TTC39B: variants seen among roughly 807,000 people sequenced by gnomAD.
TTC39B encodes tetratricopeptide repeat protein 39B.
TTC39B carries 92 observed loss-of-function variants against 96.6 expected under a neutral mutation model. The ratio of observed to expected loss-of-function variants is 0.95; its 90% CI spans 0.80 to 1.13. TTC39B has a LOEUF of 1.13. TTC39B is among the 50% of genes most tolerant of loss of function. The pLI, the probability that TTC39B is intolerant of heterozygous loss-of-function variation, is 0.00. For synonymous variants in TTC39B, 367 were observed against 299.4 expected, an observed-to-expected ratio of 1.23 and a Z score of -2.33; for missense variants, 955 against 809.3, an observed-to-expected ratio of 1.18 and a Z score of -2.18.
chr9:15,192,517 T>C, intron 9 of TTC39B, 73 bp downstream of exon 9: 5 of 1,160,960 alleles, frequency 4.3e-6, no homozygotes. Context: ...GAGGTTCAAA[T>C]GCAGTGGAGA....
At position 15,234,603 on chromosome 9, in the gene TTC39B, G is replaced by C. The variant is rs1450352706; in HGVS notation, c.276-8591C>G. ...GGAATAGAAAGAGGGGAAAGGTGGG[G>C]AAAAGATTGAGAAATCGGATGGTTG... is the stretch of plus-strand genomic sequence containing the variant. On this transcript the variant is annotated intron_variant, in intron 2 of 19. Transcript: ENST00000512701. Among the ~76,000 whole-genome samples the C allele has an allele frequency of 7.2e-5, 11 of 152,252 alleles. No individual in the cohort carries two copies. In the South Asian group the frequency reaches 1.9e-3, roughly 26 times the overall value.
chr9:15,197,583 T>C (rs987625693), intron 8 of TTC39B, among the ~76,000 whole-genome samples: 3 of 151,036 alleles, frequency 2.0e-5, no homozygotes, highest in African/African-American at 7.3e-5. Context: ...CAGTGGAAAA[T>C]GAAGGGAAAA....
At chr9:15,265,275 G>C (rs770814180) in intron 2 of TTC39B, among the ~76,000 whole-genome samples, 2 of 152,214 alleles carry the variant, frequency 1.3e-5, no homozygotes, top group African/African-American at 4.8e-5. Context: ...ACTGAAGCCA[G>C]TGGGAGCTCA....
At chr9:15,199,546 T>C (rs1819391562) in intron 8 of TTC39B, among the ~76,000 whole-genome samples, 2 of 151,248 alleles carry the variant, frequency 1.3e-5, no homozygotes, top group Admixed American at 6.6e-5. Flanking sequence ...CCATCCTGAC[T>C]AACACAGTGA....
chr9:15,243,489 C>T (rs73421654), intron 2 of TTC39B, among the ~76,000 whole-genome samples: 226 of 152,254 alleles, frequency 1.5e-3, no homozygotes, highest in African/African-American at 5.2e-3. Context: ...CACTGGTCAT[C>T]GCCCCTGCAA....
intron 16 of TTC39B, chr9:15,183,359 G>A (rs1047781767): frequency 4.2e-5 from 18 of 432,786 alleles, no homozygotes; most frequent in Non-Finnish European, 6.9e-5. Flanking sequence ...AATTGATGAT[G>A]ATCTTTTAAA....
intron 1 of TTC39B, among the ~76,000 whole-genome samples, chr9:15,270,334 C>T (rs762434299): frequency 3.9e-5 from 6 of 152,052 alleles, no homozygotes; most frequent in Non-Finnish European, 7.4e-5. Flanking sequence ...AAAACGTATT[C>T]TCCAGGAACC....
In TTC39B at chr9:15,306,616, C is replaced by G. The variant is rs1221067147; in HGVS notation, c.240+468G>C. Reference sequence around the variant, plus strand: ...GCCCCCTCTTTTCATCAATCGTAAGCCTTTCGGTTCTGCCACCAGGAAACT... The same window carrying G: ...GCCCCCTCTTTTCATCAATCGTAAGGCTTTCGGTTCTGCCACCAGGAAACT... On this transcript the variant is annotated intron_variant, in intron 1 of 19. Coordinates refer to ENST00000512701, the Ensembl canonical transcript of TTC39B. This position sits in a 1 kb window ranked among gnomAD's most constrained non-coding sequence, Gnocchi z 5.1. 2.0e-5 allele frequency among the ~76,000 whole-genome samples: 3 copies of G among 152,212 alleles called. No individual in the cohort carries two copies. In the East Asian group the frequency reaches 5.8e-4, roughly 29 times the overall value.
intron 4 of TTC39B, among the ~76,000 whole-genome samples, chr9:15,212,559 G>A (rs1820267674): frequency 6.6e-6 from 1 of 152,170 alleles, no homozygotes; most frequent in African/African-American, 2.4e-5. Context: ...CCGAGTAGCT[G>A]GGATTACAGG....
At chr9:15,289,163 A>T (rs1365943418) in intron 1 of TTC39B, among the ~76,000 whole-genome samples, 1 of 152,238 alleles carries the variant, frequency 6.6e-6, no homozygotes, top group Non-Finnish European at 1.5e-5. Context: ...GGCTTCAGCC[A>T]GTCCTCCAAA....
chr9:15,211,213 C>A lies in TTC39B; in HGVS notation c.614+53G>T, dbSNP rs371821591. The stretch of plus-strand genomic sequence containing the variant: ...CAGGCAAATGACATTATTTTTGTCA[C>A]ACAGGCATAAAAGTTTGCAGTCACA... On this transcript the variant is annotated intron_variant, in intron 5 of 19. Coordinates refer to ENST00000512701, the Ensembl canonical transcript of TTC39B. 4.3e-6 allele frequency: 6 copies of A among 1,387,004 alleles called. No individual in the cohort carries two copies. In the East Asian group the frequency reaches 1.7e-4, roughly 38 times the overall value. The allele number at this position is 1,387,004 out of a possible 1,614,324, so 85.9% of individuals were successfully genotyped here.
chr9:15,202,032 C>T (rs1285175256), intron 7 of TTC39B, among the ~76,000 whole-genome samples: 1 of 152,096 alleles, frequency 6.6e-6, no homozygotes, highest in Admixed American at 6.5e-5. Flanking sequence ...AGCACTTCTT[C>T]TAGAACAATG....
At chr9:15,221,150 C>A (rs1820821769) in intron 3 of TTC39B, among the ~76,000 whole-genome samples, 1 of 152,130 alleles carries the variant, frequency 6.6e-6, no homozygotes, top group Non-Finnish European at 1.5e-5. Flanking sequence ...CCCCGTTTCA[C>A]AACACACATT....
chr9:15,259,358 T>C (rs1822866290), intron 2 of TTC39B, among the ~76,000 whole-genome samples: 1 of 152,218 alleles, frequency 6.6e-6, no homozygotes, highest in African/African-American at 2.4e-5. Context: ...ACCATTTATA[T>C]GTATTCAGAC....
chr9:15,226,870 T>C (rs2131407889), intron 2 of TTC39B, among the ~76,000 whole-genome samples: 1 of 152,256 alleles, frequency 6.6e-6, no homozygotes, highest in African/African-American at 2.4e-5. Flanking sequence ...GCCAATCTCC[T>C]TCCATTTCCA....
At chr9:15,222,356 T>G (rs483061) in intron 3 of TTC39B, among the ~76,000 whole-genome samples, 3,254 of 152,308 alleles carry the variant, frequency 0.021, 122 homozygotes, top group African/African-American at 0.074. Context: ...GTTAAGTATA[T>G]TCACACAGTG....
At chr9:15,214,338 GTGTGTGTGTCTGTGTGTGTGTGTC>G (rs1361225927) in intron 3 of TTC39B, 89 bp from the exon 4 acceptor site, 6 of 816,160 alleles carry the variant, frequency 7.4e-6, no homozygotes, top group African/African-American at 5.4e-5. Flanking sequence ...GTGTGTGTGT[GTGTGTGTGTCTGTGTGTGTGTGTC>G]TGTGTGTGTG....
intron 2 of TTC39B, among the ~76,000 whole-genome samples, chr9:15,239,112 A>G (rs998749391): frequency 3.3e-5 from 5 of 152,226 alleles, no homozygotes; most frequent in African/African-American, 1.2e-4. Flanking sequence ...GCCTGAACAG[A>G]TATTTCTTAA....
chr9:15,192,287 T>C (rs569158183), intron 9 of TTC39B, among the ~76,000 whole-genome samples: 3 of 152,366 alleles, frequency 2.0e-5, no homozygotes, highest in East Asian at 3.9e-4. Context: ...GTCATTGTCA[T>C]TGCAACAATA....
Sources: gnomAD v4.1 joint callset for allele counts (sites outside exome capture counted in the v4.1 genomes callset) on GRCh38, gnomAD v4.1.1 for gene constraint, Gnocchi (gnomAD v3.1) non-coding constraint, MANE v1.5 for transcripts, NCBI Gene and HGNC (gene_info 2026-07-23, HGNC 2026-07-21) for gene names.